The following TRIM2 variants were observed in gnomAD, a reference collection of about 807,000 sequenced individuals.
The protein encoded by TRIM2 is tripartite motif-containing protein 2.
In TRIM2, 20 loss-of-function variants were observed where a neutral mutation model predicts 75.2. That is an observed-to-expected ratio of 0.27 (90% confidence interval 0.19 to 0.39). The LOEUF (loss-of-function observed/expected upper bound fraction) is 0.39. Ranked by LOEUF, TRIM2 falls within the 10% of genes least tolerant of loss-of-function variation. The pLI is 1.00. For synonymous variants in TRIM2, 373 were observed against 388.3 expected (o/e 0.96, Z 0.46); for missense variants, 660 against 990.8 (o/e 0.67, Z 4.48).
intron 6 of TRIM2, among the ~76,000 whole-genome samples, chr4:153,301,190 C>CA (rs796141705): frequency 0.023 from 3,227 of 138,170 alleles, 97 homozygotes; most frequent in African/African-American, 0.074. Context: ...GACTCTATCT[C>CA]AAAAAAAAAA....
At chr4:153,280,669 A>G (rs893816957) in intron 3 of TRIM2, among the ~76,000 whole-genome samples, 2 of 150,356 alleles carry the variant, frequency 1.3e-5, no homozygotes, top group African/African-American at 5.0e-5. Context: ...ATGAGCCACT[A>G]TGTCCAGCCC....
intron 1 of TRIM2, among the ~76,000 whole-genome samples, chr4:153,216,032 A>C (rs28415930): frequency 0.018 from 2,697 of 152,334 alleles, 78 homozygotes; most frequent in African/African-American, 0.062. Context: ...ATTAAAAATA[A>C]GCAGATTTAT....
At chr4:153,158,255 T>C (rs985913925) in intron 1 of TRIM2, among the ~76,000 whole-genome samples, 6 of 152,218 alleles carry the variant, frequency 3.9e-5, no homozygotes, top group Non-Finnish European at 8.8e-5. Context: ...TTGGCTAAAA[T>C]GCAACTATTC....
At chr4:153,223,498 A>C (rs1397360451) in intron 1 of TRIM2, among the ~76,000 whole-genome samples, 1 of 152,090 alleles carries the variant, frequency 6.6e-6, no homozygotes, top group African/African-American at 2.4e-5. Flanking sequence ...AGCTCGTACT[A>C]CAGTTCGGGC....
chr4:153,172,312 C>T (rs6820726), intron 1 of TRIM2, among the ~76,000 whole-genome samples: 71,905 of 151,866 alleles, frequency 0.47, 17,193 homozygotes, highest in African/African-American at 0.53. Flanking sequence ...CTCAGCCTCC[C>T]GAGTAGCTGG....
chr4:153,207,446 C>T (rs1160859237), intron 1 of TRIM2, among the ~76,000 whole-genome samples: 3 of 152,196 alleles, frequency 2.0e-5, no homozygotes, highest in Non-Finnish European at 2.9e-5. Flanking sequence ...CCAAATCTCC[C>T]TAAGTCTGTA....
chr4:153,180,737 C>T lies in TRIM2; in HGVS notation c.-49+27467C>T, dbSNP rs1027203136. ...AAGTGATCTGCCCGCCTCAGCCTCC[C>T]GAAGTGCTGGGATTACAGGCCTGAG... On this transcript the variant is annotated intron_variant, in intron 1 of 11. Coordinates refer to the TRIM2 transcript ENST00000437508. Among the ~76,000 whole-genome samples the T allele has an allele frequency of 5.3e-5, 8 of 152,204 alleles. No individual in the cohort carries two copies. The East Asian group carries it at 5.8e-4, about 11-fold the overall frequency.
At chr4:153,157,310 C>A (rs1459911187) in intron 1 of TRIM2, 2 of 152,206 alleles carry the variant, frequency 1.3e-5, no homozygotes, top group Non-Finnish European at 2.9e-5. Flanking sequence ...ACCCCAAAGC[C>A]ATGGCCATGC....
intron 1 of TRIM2, among the ~76,000 whole-genome samples, chr4:153,243,548 A>G (rs1747231140): frequency 6.6e-6 from 1 of 152,176 alleles, no homozygotes; most frequent in Admixed American, 6.5e-5. Flanking sequence ...TTCAGCAGAT[A>G]GTAGTTAAAA....
chr4:153,184,456 C>T (rs1433365459), intron 1 of TRIM2, among the ~76,000 whole-genome samples: 3 of 152,120 alleles, frequency 2.0e-5, no homozygotes, highest in Non-Finnish European at 4.4e-5. Flanking sequence ...TCCTTAGAGG[C>T]CTCATATCCA....
At position 153,338,903 on chromosome 4, in the gene TRIM2, T is replaced by C. The variant is rs953398054; in HGVS notation, c.*3937T>C. 1.6e-5 allele frequency: 16 copies of C among 985,600 alleles called. No individual in the cohort carries two copies. The highest frequency in any genetic ancestry group is 1.2e-4 in the African/African-American group (7 of 57,234). The allele number at this position is 985,600 out of a possible 1,614,324, so 61.1% of individuals were successfully genotyped here. The stretch of plus-strand genomic sequence containing the variant: ...TGTATTCTTGTAATAGAATTCTTTA[T>C]ATCGTTCTCAATTCTATAGACTTTC... On this transcript the variant is annotated 3_prime_UTR_variant, in exon 12 of 12. Transcript: ENST00000338700.
At chr4:153,204,843 ATGT>A (rs1474905471) in intron 1 of TRIM2, among the ~76,000 whole-genome samples, 1 of 152,132 alleles carries the variant, frequency 6.6e-6, no homozygotes, top group Non-Finnish European at 1.5e-5. Context: ...AGTTCCAGTG[ATGT>A]TGTGAGACTC....
chr4:153,169,820 C>T (rs1321483819), intron 1 of TRIM2, among the ~76,000 whole-genome samples: 5 of 152,206 alleles, frequency 3.3e-5, no homozygotes, highest in Non-Finnish European at 5.9e-5. Flanking sequence ...CAAATGTCTA[C>T]GTGTGGCATC....
In TRIM2 at chr4:153,304,108, T is replaced by C. The variant is rs542840809; in HGVS notation, c.1510+8072T>C. On this transcript the variant is annotated intron_variant, in intron 6 of 11. Transcript: ENST00000338700. Reference sequence around the variant, plus strand: ...GGAAGGTTCCTAGAGATGACTTTTTTTTTCTTTCTTTCTTTCTTTTTTTGA... The same window carrying C: ...GGAAGGTTCCTAGAGATGACTTTTTCTTTCTTTCTTTCTTTCTTTTTTTGA... Among the ~76,000 whole-genome samples the C allele has an allele frequency of 1.7e-4, 26 of 152,130 alleles. No homozygotes were observed. In the South Asian group the frequency reaches 2.9e-3, roughly 17 times the overall value.
chr4:153,214,332 C>A (rs1019273720), intron 1 of TRIM2, among the ~76,000 whole-genome samples: 1 of 152,270 alleles, frequency 6.6e-6, no homozygotes, highest in African/African-American at 2.4e-5. Flanking sequence ...CCTCCAATAA[C>A]CTGCATAGTG....
In TRIM2 at chr4:153,244,383, T is replaced by C. The variant is rs886365368; in HGVS notation, c.31-25952T>C. ...TTCTTCTTCTTCTTCTTCTTCTTCT[T>C]CTTCTTCTTCTTCTTCTTCTTCTTC... On this transcript the variant is annotated intron_variant, in intron 1 of 11. Coordinates refer to ENST00000338700, the MANE Select transcript of TRIM2 (RefSeq NM_015271.5). Among the ~76,000 whole-genome samples the C allele has an allele frequency of 4.3e-4, 30 of 70,586 alleles. 5 individuals are homozygous for C. The highest frequency in any genetic ancestry group is 3.0e-3 in the African/African-American group (27 of 9,066). The allele number at this position is 70,586 out of a possible 152,430, so 46.3% of individuals were successfully genotyped here.
chr4:153,293,171 G>C, intron 4 of TRIM2, 38 bp downstream of exon 4: 1 of 1,578,566 alleles, frequency 6.3e-7, no homozygotes. Flanking sequence ...CTGGCTGCCT[G>C]TACTTGAGGC....
chr4:153,180,506 A>T (rs975390537), intron 1 of TRIM2, among the ~76,000 whole-genome samples: 3 of 151,904 alleles, frequency 2.0e-5, no homozygotes, highest in African/African-American at 7.3e-5. Context: ...TTGTTTGTTT[A>T]TTTGTTTGTT....
chr4:153,187,204 C>T (rs1732685832), intron 1 of TRIM2, among the ~76,000 whole-genome samples: 2 of 152,114 alleles, frequency 1.3e-5, no homozygotes, highest in African/African-American at 4.8e-5. Context: ...TAAAACAGCA[C>T]ATTTTTTCTA....
Sources: gnomAD v4.1 joint callset for allele counts (sites outside exome capture counted in the v4.1 genomes callset) on GRCh38, gnomAD v4.1.1 for gene constraint, MANE v1.5 for transcripts, NCBI Gene and HGNC (gene_info 2026-07-23, HGNC 2026-07-21) for gene names.